MYRF: variants seen among roughly 807,000 people sequenced by gnomAD.
MYRF encodes myelin gene regulatory factor.
MYRF carries 16 observed loss-of-function variants against 126.3 expected under a neutral mutation model. The ratio of observed to expected loss-of-function variants is 0.13; its 90% confidence interval spans 0.09 to 0.19. The LOEUF is 0.19. Among genes scored for constraint, MYRF ranks in the 10% least tolerant of loss-of-function variants. The pLI is 1.00. For missense variants in MYRF, 1,104 were observed against 1,547.0 expected, an observed-to-expected ratio of 0.71 and a Z score of 4.80; for synonymous variants, 608 against 635.3, an observed-to-expected ratio of 0.96 and a Z score of 0.65.
chr11:61,759,561 T>C (rs1418498775), intron 1 of MYRF, among the ~76,000 whole-genome samples: 1 of 152,018 alleles, frequency 6.6e-6, no homozygotes, highest in Non-Finnish European at 1.5e-5. Flanking sequence ...TCCCAGCTCC[T>C]TGGGAGGCTG....
chr11:61,776,287 C>T lies in MYRF; in HGVS notation c.1389-35C>T. On this transcript the variant is annotated intron_variant, in intron 9 of 26. Transcript: ENST00000278836. This position sits in a 1 kb window ranked among gnomAD's most constrained non-coding sequence, Gnocchi z 4.3. ...GTGGCGTGGCTCTTGCAGCCTCCCT[C>T]CCTGCCCCCTGAGCACCCTGCCTCT... 1 of 1,591,400 alleles carries T rather than the reference C, an allele frequency of 6.3e-7. No homozygotes were observed. The highest frequency in any genetic ancestry group is 8.6e-7 in the Non-Finnish European group (1 of 1,165,342).
In MYRF at chr11:61,752,670, C is replaced by G. The variant is rs1412463410; in HGVS notation, c.-75C>G. The stretch of plus-strand genomic sequence containing the variant: ...GCCCAGCCGGGACTGTCGCGCGGGC[C>G]GCGCCGGCGATGCCGCGCCCCCGGG... On this transcript the variant is annotated 5_prime_UTR_variant, in exon 1 of 27. Transcript: ENST00000278836. The G allele has an allele frequency of 8.6e-7, 1 of 1,162,008 alleles. No individual in the cohort carries two copies. The highest frequency in any genetic ancestry group is 3.3e-5 in the East Asian group (1 of 30,132). The allele number at this position is 1,162,008 out of a possible 1,614,324, so 72.0% of individuals were successfully genotyped here.
At chr11:61,771,980 C>A in intron 7 of MYRF, 28 bp downstream of exon 7, 1 of 1,611,998 alleles carries the variant, frequency 6.2e-7, no homozygotes. Flanking sequence ...CTCCCCACTC[C>A]TCCAGGCCCC....
chr11:61,755,328 G>A (rs982043551), intron 1 of MYRF: 8 of 1,559,440 alleles, frequency 5.1e-6, no homozygotes, highest in African/African-American at 4.1e-5. Context: ...TGGTACAGCC[G>A]GGCCCCCGTG....
rs2066552745 is a variant in MYRF at position 61,781,675 on chromosome 11, A to G, written c.2867A>G (p.Glu956Gly). The G allele has an allele frequency of 6.2e-7, 1 of 1,613,702 alleles. No homozygotes were observed. Among genetic ancestry groups the G allele is most frequent in the Non-Finnish European group, 8.5e-7 (1 of 1,180,018 alleles). The change falls in exon 22 of 27, where the codon GAG becomes GGG. Residue 956 changes from glutamate (E) to glycine (G), a missense_variant. Glu to Gly is a moderately conservative substitution (Grantham distance 98). Around this residue, in one of 10 missense-constraint regions of MYRF, gnomAD observed 323 missense variants for 383.1 expected, o/e 0.84. Coordinates refer to ENST00000278836, the MANE Select transcript of MYRF (RefSeq NM_001127392.3). ...CACTCCAAGCATCACAAGAGTCTGG[A>G]GCCTCTGGCCAGCCCTGCAGTCCCC... ...IGHSKHHKSLEPLASPAVPFP... is the reference protein window; with the variant it reads ...IGHSKHHKSLGPLASPAVPFP...
chr11:61,781,607 C>T lies in MYRF; in HGVS notation c.2799C>T (p.Asn933=). 1.2e-6 allele frequency: 2 copies of T among 1,613,916 alleles called. No homozygotes were observed. The highest frequency in any genetic ancestry group is 1.7e-6 in the Non-Finnish European group (2 of 1,180,010). ...AGATGGCCCTTCTGCCAGTCACCAA[C>T]ATCAGAGCCAAGTCCTGGGGTCTTT... The part of the protein sequence containing the change: ...PSQMALLPVT[N]IRAKSWGLSV... Residue 933 remains asparagine, a synonymous_variant, in exon 22 of 27, where the codon AAC becomes AAT. Coordinates refer to ENST00000278836, the MANE Select transcript of MYRF (RefSeq NM_001127392.3).
chr11:61,767,687 G>A (rs2066103279), intron 3 of MYRF, among the ~76,000 whole-genome samples: 1 of 152,082 alleles, frequency 6.6e-6, no homozygotes, highest in Admixed American at 6.5e-5. Context: ...AGCTGGGTGT[G>A]GTGGCGTGTG....
chr11:61,777,479 G>A lies in MYRF; in HGVS notation c.1791+15G>A. 4.4e-6 allele frequency: 7 copies of A among 1,588,140 alleles called. No homozygotes were observed. The highest frequency in any genetic ancestry group is 6.0e-6 in the Non-Finnish European group (7 of 1,167,414). ...ACGTGCAGGAGGTGGGGACAGGGCT[G>A]TGGGGGCCGGGCGGGTCCAGACGCT... On this transcript the variant is annotated intron_variant, in intron 12 of 26. Transcript: ENST00000278836. This position sits in a 1 kb window ranked among gnomAD's most constrained non-coding sequence, Gnocchi z 8.8.
At position 61,777,956 on chromosome 11, in the gene MYRF, C is replaced by G. The variant is rs2066433025; in HGVS notation, c.1903+111C>G. The G allele has an allele frequency of 4.7e-6, 4 of 846,416 alleles. No individual in the cohort carries two copies. The highest frequency in any genetic ancestry group is 4.8e-5 in the Admixed American group (2 of 41,830). 52.4% of individuals were successfully genotyped at this position (846,416 alleles called of 1,614,324 possible). A position where few individuals can be genotyped will look rare whatever the true frequency, so the allele number is the denominator to read the frequency against. ...CTACTCCTCTTGACTCCCGGAACTG[C>G]GCCCCTGGGAATCATGCCTTCTAGA... On this transcript the variant is annotated intron_variant, in intron 13 of 26. Transcript: ENST00000278836. The surrounding 1 kb of genome is among the most constrained non-coding windows in gnomAD (Gnocchi z 8.8).
Position 61,785,854 on chromosome 11 carries a change from C to G in MYRF, c.3355C>G (p.His1119Asp), listed in dbSNP as rs2066680463. ...CCTGTCCTTCCGTGAATTCACCTACCACTTCCGGGTGGCACTGCTGGTGAG... is the reference window on the plus strand; with the variant it reads ...CCTGTCCTTCCGTGAATTCACCTACGACTTCCGGGTGGCACTGCTGGTGAG... ...TILSFREFTY[H>D]FRVALLGQAN... Residue 1119 changes from histidine (H) to aspartate (D), a missense_variant, in exon 26 of 27, where the codon CAC (histidine) becomes GAC (aspartate). Transcript: ENST00000278836. 1 of 1,614,064 alleles carries G rather than the reference C, an allele frequency of 6.2e-7. No homozygotes were observed. Among genetic ancestry groups the G allele is most frequent in the Non-Finnish European group, 8.5e-7 (1 of 1,180,028 alleles).
chr11:61,761,031 A>G (rs560452804), intron 1 of MYRF, among the ~76,000 whole-genome samples: 1 of 152,244 alleles, frequency 6.6e-6, no homozygotes, highest in Admixed American at 6.5e-5. Context: ...TCTGCACCCC[A>G]GGTTCAGATC....
At chr11:61,763,453 T>C (rs1032188913) in intron 1 of MYRF, among the ~76,000 whole-genome samples, 1 of 152,240 alleles carries the variant, frequency 6.6e-6, no homozygotes, top group Admixed American at 6.5e-5. Context: ...CACTGGGAGA[T>C]ACTCACTATG....
chr11:61,757,780 G>A lies in MYRF; in HGVS notation c.46+4990G>A, dbSNP rs866972392. ...TGGAGTCCTGGGGTGCAGTGGAAGC[G>A]TGGGTGACGGCCTCCCATTTCTGAG... On this transcript the variant is annotated intron_variant, in intron 1 of 26. Coordinates refer to ENST00000278836, the MANE Select transcript of MYRF (RefSeq NM_001127392.3). This position sits in a 1 kb window ranked among gnomAD's most constrained non-coding sequence, Gnocchi z 4.7. 126 of 337,980 alleles carry A rather than the reference G, an allele frequency of 3.7e-4. 1 individual carries two copies. The highest frequency in any genetic ancestry group is 2.2e-3 in the African/African-American group (103 of 46,512). 20.9% of individuals were successfully genotyped at this position (337,980 alleles called of 1,614,324 possible).
chr11:61,786,200 A>G lies in MYRF; in HGVS notation c.*57A>G. 1 of 1,511,854 alleles carries G rather than the reference A, an allele frequency of 6.6e-7. No homozygotes were observed. The highest frequency in any genetic ancestry group is 1.4e-5 in the African/African-American group (1 of 72,802). 93.7% of individuals were successfully genotyped at this position (1,511,854 alleles called of 1,614,324 possible). Reference sequence around the variant, plus strand: ...ACCAGGGGTGCCCAGGCACCCCCCAACACTGGATGCAATGGTGTTACACTG... The same window carrying G: ...ACCAGGGGTGCCCAGGCACCCCCCAGCACTGGATGCAATGGTGTTACACTG... On this transcript the variant is annotated 3_prime_UTR_variant, in exon 27 of 27. Coordinates refer to ENST00000278836, the MANE Select transcript of MYRF (RefSeq NM_001127392.3). This position sits in a 1 kb window ranked among gnomAD's most constrained non-coding sequence, Gnocchi z 4.5.
rs115781780 is a variant in MYRF at position 61,774,297 on chromosome 11, T to C, written c.1311+135T>C. 7.7e-3 allele frequency: 5,920 copies of C among 771,188 alleles called. 116 individuals carry two copies. Among genetic ancestry groups the C allele is most frequent in the African/African-American group, 0.058 (3,308 of 56,916 alleles). The allele number at this position is 771,188 out of a possible 1,614,324, so 47.8% of individuals were successfully genotyped here. ...CCCAGCACTTTGGGAGTCAGGCAGA[T>C]CACTTGAGGTCAGGAGTTCAAGACC... On this transcript the variant is annotated intron_variant, in intron 8 of 26. Coordinates refer to ENST00000278836, the MANE Select transcript of MYRF (RefSeq NM_001127392.3).
intron 1 of MYRF, chr11:61,755,454 A>G (rs1378872272): frequency 6.2e-7 from 1 of 1,609,816 alleles, no homozygotes; most frequent in African/African-American, 1.3e-5. Context: ...TAACCGGGCC[A>G]TGGTATAAGG....
intron 1 of MYRF, chr11:61,755,658 G>A (rs1342754033): frequency 2.8e-6 from 2 of 716,762 alleles, no homozygotes; most frequent in South Asian, 1.5e-5. Context: ...GGGGGTGGCA[G>A]AGAAGAACCT....
At chr11:61,763,330 G>A (rs1439228336) in intron 1 of MYRF, among the ~76,000 whole-genome samples, 1 of 152,190 alleles carries the variant, frequency 6.6e-6, no homozygotes, top group African/African-American at 2.4e-5. Context: ...GTTTAGAGAG[G>A]GAAAATGCAT....
Position 61,770,324 on chromosome 11 carries a change from C to T in MYRF, c.539C>T (p.Pro180Leu), listed in dbSNP as rs1222416562. The T allele has an allele frequency of 6.3e-7, 1 of 1,581,258 alleles. No individual in the cohort carries two copies. The highest frequency in any genetic ancestry group is 1.8e-5 in the Admixed American group (1 of 57,040). The change falls in exon 5 of 27, where the codon CCA becomes CTA. Residue 180 changes from proline to leucine, a missense_variant. Physicochemically the swap from Pro to Leu is moderately conservative, Grantham distance 98 (BLOSUM62 -3). Transcript: ENST00000278836. ...GVPSRLEHPP[P>L]PPAHLPGPPP... Reference sequence around the variant, plus strand: ...CCCTCCCGCCTGGAGCATCCGCCCCCACCTCCAGCCCACTTGCCAGGCCCC... The same window carrying T: ...CCCTCCCGCCTGGAGCATCCGCCCCTACCTCCAGCCCACTTGCCAGGCCCC...
Sources: gnomAD v4.1 joint callset for allele counts (sites outside exome capture counted in the v4.1 genomes callset) on GRCh38, gnomAD v4.1.1 for gene constraint, gnomAD v4.1.1 regional missense constraint, Gnocchi (gnomAD v3.1) non-coding constraint, MANE v1.5 for transcripts, NCBI Gene and HGNC (gene_info 2026-07-23, HGNC 2026-07-21) for gene names.